Variants in MMD2 observed in about 807,000 individuals in gnomAD.
MMD2 encodes the protein monocyte to macrophage differentiation factor 2.
Under a neutral mutation model 33.5 loss-of-function variants are expected in MMD2, and 30 were observed. The observed-to-expected ratio is 0.90, with a 90% CI of 0.67 to 1.22. The LOEUF (loss-of-function observed/expected upper bound fraction) is 1.22, where lower values mean the gene tolerates loss of function less well. MMD2 is among the 50% of genes most tolerant of loss of function. The pLI, the probability that MMD2 is intolerant of heterozygous loss-of-function variation, is 0.00. For synonymous variants in MMD2, 129 were observed against 123.0 expected, an observed-to-expected ratio of 1.05 and a Z score of -0.32; for missense variants, 364 against 325.4, an observed-to-expected ratio of 1.12 and a Z score of -0.91.
At chr7:4,937,864 G>A (rs796642671) in intron 1 of MMD2, among the ~76,000 whole-genome samples, 8 of 152,056 alleles carry the variant, frequency 5.3e-5, no homozygotes, top group African/African-American at 1.4e-4. Flanking sequence ...GCCCAGGCTG[G>A]TCTCAAACTC....
At chr7:4,942,580 T>C (rs937395202) in intron 1 of MMD2, among the ~76,000 whole-genome samples, 6 of 151,520 alleles carry the variant, frequency 4.0e-5, no homozygotes, top group African/African-American at 1.5e-4. Flanking sequence ...GGAGGACATT[T>C]CTAATTCCCA....
In MMD2 at chr7:4,919,068, C is replaced by T. The variant is rs115847136; in HGVS notation, c.290+1103G>A. ...GAACCGAGATGATGTTATCACACTC[C>T]AGCCTGGGTGACAGAGTGAGACCCC... On this transcript the variant is annotated intron_variant, in intron 3 of 6. Transcript: ENST00000401401. Among the ~76,000 whole-genome samples, 1,489 of 151,880 alleles carry T rather than the reference C, an allele frequency of 9.8e-3. 25 individuals carry two copies. The highest frequency in any genetic ancestry group is 0.034 in the African/African-American group (1,399 of 41,440).
chr7:4,897,806 C>T, the MMD2 span, among the ~76,000 whole-genome samples: 7 of 151,304 alleles, frequency 4.6e-5, no homozygotes, highest in Admixed American at 1.3e-4. Context: ...GGTGTGATCT[C>T]GGCTCACTGA....
chr7:4,929,766 G>A (rs1785527170), intron 1 of MMD2, among the ~76,000 whole-genome samples: 1 of 151,788 alleles, frequency 6.6e-6, no homozygotes, highest in South Asian at 2.1e-4. Context: ...CTCATGATCT[G>A]CCTGCCTCAG....
chr7:4,928,380 C>G (rs1483266350), intron 1 of MMD2, among the ~76,000 whole-genome samples: 1 of 152,028 alleles, frequency 6.6e-6, no homozygotes. Context: ...CATCAAGACC[C>G]TGGAACATTC....
chr7:4,892,956 C>T, the MMD2 span, among the ~76,000 whole-genome samples: 2 of 152,134 alleles, frequency 1.3e-5, no homozygotes, highest in African/African-American at 2.4e-5. Context: ...TATCATGATC[C>T]TCACGCCTCT....
intron 1 of MMD2, among the ~76,000 whole-genome samples, chr7:4,952,392 A>G (rs541924897): frequency 1.3e-5 from 2 of 152,202 alleles, no homozygotes; most frequent in South Asian, 2.1e-4. Flanking sequence ...CTCCCTGCAT[A>G]TTGGTCAACT....
chr7:4,913,786 C>T (rs1023291544), intron 4 of MMD2, among the ~76,000 whole-genome samples: 5 of 150,612 alleles, frequency 3.3e-5, no homozygotes, highest in East Asian at 3.9e-4. Context: ...CTTAGCCTCC[C>T]GAGTAGTTGG....
intron 1 of MMD2, among the ~76,000 whole-genome samples, chr7:4,931,559 C>T (rs1286264713): frequency 6.6e-6 from 1 of 151,896 alleles, no homozygotes; most frequent in East Asian, 1.9e-4. Flanking sequence ...CTCCACGGAT[C>T]CTCCCTCTTC....
intron 2 of MMD2, among the ~76,000 whole-genome samples, 185 bp downstream of exon 2, chr7:4,925,266 C>G (rs985231744): frequency 3.3e-5 from 5 of 152,062 alleles, no homozygotes; most frequent in African/African-American, 1.2e-4. Context: ...AGAGACATGG[C>G]CAGCACTGCA....
chr7:4,940,409 C>T lies in MMD2; in HGVS notation c.48-14877G>A, dbSNP rs1785874910. 6.6e-6 allele frequency among the ~76,000 whole-genome samples: 1 copy of T among 152,214 alleles called. No individual in the cohort carries two copies. Among genetic ancestry groups the T allele is most frequent in the South Asian group, 2.1e-4 (1 of 4,832 alleles). ...CTGCAGCCACCCCTCCCAGGCTGGG[C>T]TGGTGCCTGTCAGTGGCGACCCTGA... On this transcript the variant is annotated intron_variant, in intron 1 of 6. Coordinates refer to ENST00000401401, the MANE Select transcript of MMD2 (RefSeq NM_198403.4). The surrounding 1 kb of genome is among the most constrained non-coding windows in gnomAD (Gnocchi z 5.0).
At chr7:4,916,343 A>G (rs1785142205) in intron 3 of MMD2, among the ~76,000 whole-genome samples, 1 of 145,612 alleles carries the variant, frequency 6.9e-6, no homozygotes, top group Non-Finnish European at 1.5e-5. Context: ...GCGCCCCTAC[A>G]GGTAAGGATT....
intron 3 of MMD2, among the ~76,000 whole-genome samples, chr7:4,917,154 T>C (rs145951474): frequency 7.9e-5 from 12 of 152,240 alleles, no homozygotes; most frequent in Non-Finnish European, 1.6e-4. Flanking sequence ...AAGAGCTTAG[T>C]GGTTCGGATC....
the MMD2 span, among the ~76,000 whole-genome samples, chr7:4,893,789 A>G: frequency 6.6e-6 from 1 of 152,188 alleles, no homozygotes; most frequent in East Asian, 1.9e-4. Context: ...CCTCCCCTTT[A>G]TAGACTATAT....
At chr7:4,903,821 T>G (rs1167535652), downstream of MMD2, among the ~76,000 whole-genome samples, 1 of 152,086 alleles carries the variant, frequency 6.6e-6, no homozygotes. Flanking sequence ...TGCCGACTGC[T>G]CTCCTGACTC....
chr7:4,929,520 G>C (rs1785519068), intron 1 of MMD2, among the ~76,000 whole-genome samples: 1 of 151,734 alleles, frequency 6.6e-6, no homozygotes, highest in Non-Finnish European at 1.5e-5. Flanking sequence ...TTTGTTTTTT[G>C]AGATGGAGTC....
At position 4,948,810 on chromosome 7, in the gene MMD2, CT is replaced by C. The variant is rs765612798; in HGVS notation, c.47+10160del. On this transcript the variant is annotated intron_variant, in intron 1 of 6. Coordinates refer to ENST00000401401, the MANE Select transcript of MMD2 (RefSeq NM_198403.4). The stretch of plus-strand genomic sequence containing the variant: ...TTTGTGTTTTTTTCTTTCCAAAATT[CT>C]TTTTAGGTTCTATAAATTTCTATGG... Among the ~76,000 whole-genome samples the C allele has an allele frequency of 4.6e-5, 7 of 152,170 alleles. No homozygotes were observed. The East Asian group carries it at 1.4e-3, about 29-fold the overall frequency.
chr7:4,925,561 C>A, intron 1 of MMD2, 29 bp from the exon 2 acceptor site: 2 of 1,532,598 alleles, frequency 1.3e-6, no homozygotes, highest in Non-Finnish European at 1.8e-6. Context: ...TTCCAGGAAG[C>A]TCCGCTGGGC....
chr7:4,940,192 T>C lies in MMD2; in HGVS notation c.48-14660A>G, dbSNP rs765086754. On this transcript the variant is annotated intron_variant, in intron 1 of 6. Coordinates refer to ENST00000401401, the MANE Select transcript of MMD2 (RefSeq NM_198403.4). This position sits in a 1 kb window ranked among gnomAD's most constrained non-coding sequence, Gnocchi z 5.0. ...GCCTGGCATGTTGAGCATCCTGACC[T>C]GGGTGCAGGGTCCGGCACACCCCAG... Among the ~76,000 whole-genome samples the C allele has an allele frequency of 2.0e-5, 3 of 152,104 alleles. No individual in the cohort carries two copies. Among genetic ancestry groups the C allele is most frequent in the Non-Finnish European group, 2.9e-5 (2 of 68,012 alleles).
Sources: allele counts gnomAD v4.1 joint callset (sites outside exome capture counted in the v4.1 genomes callset), GRCh38; gene constraint gnomAD v4.1.1; non-coding constraint Gnocchi (gnomAD v3.1); transcripts MANE v1.5; gene names NCBI Gene and HGNC (gene_info 2026-07-23, HGNC 2026-07-21).